The following NAV3 variants were observed in gnomAD, a reference collection of about 807,000 sequenced individuals.
NAV3 encodes neuron navigator 3, also known as pore membrane and/or filament interacting like protein 1.
NAV3 carries 87 observed loss-of-function variants against 244.7 expected under a neutral mutation model. The ratio of observed to expected loss-of-function variants is 0.36; its 90% CI spans 0.30 to 0.42. NAV3 has a LOEUF of 0.42. NAV3 is among the 20% of genes least tolerant of loss of function. NAV3 has a pLI of 1.00. For synonymous variants in NAV3, 1,126 were observed against 1,042.2 expected, an observed-to-expected ratio of 1.08 and a Z score of -1.55; for missense variants, 2,663 against 2,893.3, an observed-to-expected ratio of 0.92 and a Z score of 1.83.
At chr12:77,658,144 A>G (rs1219904586) in intron 2 of NAV3, among the ~76,000 whole-genome samples, 1 of 152,178 alleles carries the variant, frequency 6.6e-6, no homozygotes, top group African/African-American at 2.4e-5. Context: ...AGGGTATTCA[A>G]TTAGGAAAAG....
chr12:78,168,977 C>A, intron 24 of NAV3, 111 bp downstream of exon 24: 2 of 624,896 alleles, frequency 3.2e-6, no homozygotes, highest in Non-Finnish European at 2.7e-6. Context: ...TTAATACATA[C>A]TAGTTGTATT....
intron 1 of NAV3, among the ~76,000 whole-genome samples, chr12:77,869,299 T>C (rs943419998): frequency 1.3e-5 from 2 of 152,156 alleles, no homozygotes; most frequent in Non-Finnish European, 2.9e-5. Flanking sequence ...AAGTAAATAT[T>C]CTATTGGGGG....
chr12:77,960,204 A>G (rs17044607), intron 3 of NAV3, among the ~76,000 whole-genome samples: 2 of 151,900 alleles, frequency 1.3e-5, no homozygotes, highest in South Asian at 4.2e-4. Flanking sequence ...ATCAGGGTCA[A>G]TGTTCAGGAG....
chr12:77,793,239 T>C (rs937596303), intron 2 of NAV3, among the ~76,000 whole-genome samples: 1 of 152,158 alleles, frequency 6.6e-6, no homozygotes, highest in Non-Finnish European at 1.5e-5. Context: ...ATCAGGAAGA[T>C]TTCATTGAAA....
chr12:78,177,768 A>G (rs909472299), intron 28 of NAV3, 83 bp downstream of exon 28: 78 of 1,225,646 alleles, frequency 6.4e-5, no homozygotes, highest in Non-Finnish European at 8.8e-5. Flanking sequence ...TTCTAAAATC[A>G]CTCACATGCA....
chr12:78,104,628 G>A (rs760524199), intron 12 of NAV3, among the ~76,000 whole-genome samples: 3 of 152,132 alleles, frequency 2.0e-5, no homozygotes, highest in Non-Finnish European at 4.4e-5. Context: ...TAACCTATGT[G>A]TATCCAAACA....
chr12:78,074,897 A>G (rs1008060078), intron 12 of NAV3, among the ~76,000 whole-genome samples: 2 of 152,192 alleles, frequency 1.3e-5, no homozygotes, highest in Non-Finnish European at 2.9e-5. Context: ...CCAACTCTTG[A>G]AATAGTAGAT....
chr12:77,996,560 GT>G (rs142358365), intron 6 of NAV3, among the ~76,000 whole-genome samples: 1 of 151,596 alleles, frequency 6.6e-6, no homozygotes, highest in Non-Finnish European at 1.5e-5. Flanking sequence ...GTTAGTATTT[GT>G]TTTTTTTCCT....
chr12:77,814,335 A>C (rs2136010459), intron 2 of NAV3, among the ~76,000 whole-genome samples: 1 of 152,298 alleles, frequency 6.6e-6, no homozygotes, highest in Non-Finnish European at 1.5e-5. Flanking sequence ...TCATTCGAGA[A>C]GATGTGGCCT....
chr12:77,720,647 C>A (rs1463271663), intron 2 of NAV3, among the ~76,000 whole-genome samples: 1 of 152,152 alleles, frequency 6.6e-6, no homozygotes, highest in Admixed American at 6.6e-5. Context: ...AACTCCAATT[C>A]TTTCCCTCTC....
At chr12:77,634,126 A>C (rs75641244) in intron 2 of NAV3, among the ~76,000 whole-genome samples, 1 of 149,454 alleles carries the variant, frequency 6.7e-6, no homozygotes, top group Admixed American at 6.7e-5. Context: ...CAAATCTCCC[A>C]TTTTTTTTTT....
At chr12:77,811,064 A>C (rs1398946743) in intron 2 of NAV3, among the ~76,000 whole-genome samples, 1 of 152,258 alleles carries the variant, frequency 6.6e-6, no homozygotes, top group Non-Finnish European at 1.5e-5. Context: ...CAATGACAAA[A>C]TAAACACACA....
intron 9 of NAV3, among the ~76,000 whole-genome samples, chr12:78,026,489 C>A (rs1878079292): frequency 6.6e-6 from 1 of 152,112 alleles, no homozygotes; most frequent in Non-Finnish European, 1.5e-5. Context: ...TCCTGATATT[C>A]TATTCATTAT....
intron 1 of NAV3, among the ~76,000 whole-genome samples, chr12:77,872,258 G>C (rs1216142636): frequency 6.6e-6 from 1 of 152,056 alleles, no homozygotes; most frequent in African/African-American, 2.4e-5. Flanking sequence ...TATTGGTCAA[G>C]TTTCTTCTCT....
intron 2 of NAV3, among the ~76,000 whole-genome samples, chr12:77,684,279 T>TTAC (rs1874611542): frequency 6.6e-6 from 1 of 151,572 alleles, no homozygotes; most frequent in Non-Finnish European, 1.5e-5. Flanking sequence ...ACTATTATTA[T>TTAC]TATTTATTGT....
At chr12:78,120,057 T>TAATAG in intron 15 of NAV3, 112 bp downstream of exon 15, 1 of 648,100 alleles carries the variant, frequency 1.5e-6, no homozygotes. Context: ...ATAAGGTATA[T>TAATAG]ATATATCTTA....
rs921751315 is a variant in NAV3, at chr12:77,671,987, A to G, written c.72+99721A>G. Among the ~76,000 whole-genome samples, 7 of 152,190 alleles carry G rather than the reference A, an allele frequency of 4.6e-5. No individual in the cohort carries two copies. In the South Asian group the frequency reaches 6.2e-4, roughly 14 times the overall value. On this transcript the variant is annotated intron_variant, in intron 2 of 8. Transcript: ENST00000550042. ...ACAGACAACCCACAGAGTGGGAGAA[A>G]ATCTTCACAATCTATGCCTCCGACA...
chr12:78,030,325 G>A (rs1398170122), intron 9 of NAV3, among the ~76,000 whole-genome samples: 1 of 152,100 alleles, frequency 6.6e-6, no homozygotes, highest in Non-Finnish European at 1.5e-5. Context: ...AGTTCTGGAT[G>A]CTAGTGAAAC....
intron 1 of NAV3, among the ~76,000 whole-genome samples, chr12:77,836,171 A>G (rs1520735): frequency 0.98 from 149,745 of 152,316 alleles, 73,664 homozygotes; most frequent in Middle Eastern, 1. Context: ...ACATTCTGGA[A>G]GTTAAGGTTA....
Sources: allele counts gnomAD v4.1 joint callset (sites outside exome capture counted in the v4.1 genomes callset), GRCh38; gene constraint gnomAD v4.1.1; transcripts MANE v1.5; gene names NCBI Gene and HGNC (gene_info 2026-07-23, HGNC 2026-07-21).